The following DEFB115 variants were observed in gnomAD, a reference collection of about 807,000 sequenced individuals.
DEFB115 encodes beta-defensin 115.
DEFB115 carries 7 observed loss-of-function variants against 8.8 expected under a neutral mutation model. That is an observed-to-expected ratio of 0.79 (90% CI 0.45 to 1.49). The LOEUF is 1.49. DEFB115 is among the 40% of genes most tolerant of loss of function. The pLI, the probability that DEFB115 is intolerant of heterozygous loss-of-function variation, is 0.01. For missense variants in DEFB115, 143 were observed against 99.4 expected (o/e 1.44, Z -1.86); for synonymous variants, 62 against 37.6 (o/e 1.65, Z -2.37).
chr20:31,259,459 G>A lies in DEFB115; in HGVS notation c.95-1G>A, dbSNP rs1052371070. 2 of 1,588,694 alleles carry A rather than the reference G, an allele frequency of 1.3e-6. No individual in the cohort carries two copies. The highest frequency in any genetic ancestry group is 1.2e-5 in the South Asian group (1 of 85,576). On this transcript the variant is annotated splice_acceptor_variant, in intron 1 of 1. Coordinates refer to ENST00000400552, the MANE Select transcript of DEFB115 (RefSeq NM_001037730.1). LOFTEE classifies it high-confidence loss of function. ...ATTCATGTGTTTGCTTATTTTGATA[G>A]ATGGATGGATCAGAAGGTGCTATTA...
intron 1 of DEFB115, 93 bp downstream of exon 1, chr20:31,257,850 A>G (rs1983797152): frequency 8.9e-7 from 1 of 1,120,634 alleles, no homozygotes; most frequent in Admixed American, 1.9e-5. Context: ...AGAAGCAAGG[A>G]GAGCCCACAG....
chr20:31,259,114 T>A (rs1437598247), intron 1 of DEFB115, among the ~76,000 whole-genome samples: 1 of 152,082 alleles, frequency 6.6e-6, no homozygotes, highest in Non-Finnish European at 1.5e-5. Flanking sequence ...GTTAGATGAA[T>A]AATGAATGGA....
chr20:31,258,524 C>G lies in DEFB115; in HGVS notation c.94+767C>G, dbSNP rs185271015. On this transcript the variant is annotated intron_variant, in intron 1 of 1. Transcript: ENST00000400552. ...CAGCTATTCAAGCTGAAAGCCTTTGCCAATCACTCAGTTGTTCTAGAAGCA... is the reference window on the plus strand; with the variant it reads ...CAGCTATTCAAGCTGAAAGCCTTTGGCAATCACTCAGTTGTTCTAGAAGCA... 3.5e-4 allele frequency among the ~76,000 whole-genome samples: 54 copies of G among 152,276 alleles called. No individual in the cohort carries two copies. In the East Asian group the frequency reaches 9.1e-3, roughly 26 times the overall value.
intron 1 of DEFB115, 43 bp downstream of exon 1, chr20:31,257,800 G>A (rs193252871): frequency 6.5e-7 from 1 of 1,533,252 alleles, no homozygotes; most frequent in Non-Finnish European, 9.0e-7. Context: ...AGTAAGGATG[G>A]GGTCCTAACC....
intron 1 of DEFB115, among the ~76,000 whole-genome samples, chr20:31,258,476 G>A (rs937741419): frequency 1.3e-5 from 2 of 152,174 alleles, no homozygotes; most frequent in Non-Finnish European, 2.9e-5. Context: ...CGTTGCTGTT[G>A]GAAGTCACAT....
intron 1 of DEFB115, 39 bp from the exon 2 acceptor site, chr20:31,259,421 A>C: frequency 2.6e-6 from 4 of 1,509,472 alleles, no homozygotes; most frequent in Non-Finnish European, 3.5e-6. Context: ...TTATTTTTCA[A>C]ATGTATTTAT....
rs766921622 is a variant in DEFB115 at position 31,259,467 on chromosome 20, G to T, written c.102G>T (p.Trp34Cys). 13 of 1,605,474 alleles carry T rather than the reference G, an allele frequency of 8.1e-6. No individual in the cohort carries two copies. In the Admixed American group the frequency reaches 8.6e-5, roughly 11 times the overall value. Residue 34 changes from tryptophan to cysteine, a missense_variant, in exon 2 of 2, where the codon TGG becomes TGT. By Grantham distance (215) the Trp-to-Cys change is radical. Coordinates refer to ENST00000400552, the MANE Select transcript of DEFB115 (RefSeq NM_001037730.1). ...GTTTGCTTATTTTGATAGATGGATG[G>T]ATCAGAAGGTGCTATTATGGAACTG... ...VVLAQTAPDG[W>C]IRRCYYGTGR...
chr20:31,257,916 A>T (rs1983798493), intron 1 of DEFB115, among the ~76,000 whole-genome samples, 159 bp downstream of exon 1: 1 of 152,198 alleles, frequency 6.6e-6, no homozygotes, highest in Admixed American at 6.5e-5. Context: ...TAAGAAGGGC[A>T]GCCTGTCAGG....
chr20:31,257,709 T>A lies in DEFB115; in HGVS notation c.46T>A (p.Ser16Thr). 6.2e-7 allele frequency: 1 copy of A among 1,614,016 alleles called. No homozygotes were observed. The highest frequency in any genetic ancestry group is 8.5e-7 in the Non-Finnish European group (1 of 1,179,954). Residue 16 changes from serine (S) to threonine (T), a missense_variant, in exon 1 of 2, where the codon TCT (serine) becomes ACT (threonine). Transcript: ENST00000400552. Reference sequence around the variant, plus strand: ...ACCCCTCTCAGGAGACATTAAACTCTCTGTCCTGGCCTTAGTTGTCCTTGT... The same window carrying A: ...ACCCCTCTCAGGAGACATTAAACTCACTGTCCTGGCCTTAGTTGTCCTTGT... ...FSPLSGDIKL[S>T]VLALVVLVVL...
chr20:31,259,566 C>T lies in DEFB115; in HGVS notation c.201C>T (p.Val67=), dbSNP rs1983847643. 1 of 1,611,776 alleles carries T rather than the reference C, an allele frequency of 6.2e-7. No individual in the cohort carries two copies. Among genetic ancestry groups the T allele is most frequent in the Non-Finnish European group, 8.5e-7 (1 of 1,179,172 alleles). Reference sequence around the variant, plus strand: ...GTGGGGAAAAACATATTTGCTGTGTCCCTAAAGAAAAGGATAAACTATCAC... The same window carrying T: ...GTGGGGAAAAACATATTTGCTGTGTTCCTAAAGAAAAGGATAAACTATCAC... The part of the protein sequence containing the change: ...EKCGEKHICC[V]PKEKDKLSHI... The change falls in exon 2 of 2, where the codon GTC becomes GTT. Residue 67 remains valine (V), a synonymous_variant. Coordinates refer to ENST00000400552, the MANE Select transcript of DEFB115 (RefSeq NM_001037730.1).
intron 1 of DEFB115, among the ~76,000 whole-genome samples, chr20:31,259,063 C>T (rs1054730719): frequency 1.3e-5 from 2 of 152,062 alleles, no homozygotes; most frequent in Admixed American, 6.6e-5. Flanking sequence ...ACCCCTAGAA[C>T]AAACAATGCC....
intron 1 of DEFB115, among the ~76,000 whole-genome samples, chr20:31,258,550 A>G (rs1983815321): frequency 6.6e-6 from 1 of 152,212 alleles, no homozygotes; most frequent in African/African-American, 2.4e-5. Context: ...TCTAGAAGCA[A>G]AAGAAGGTTA....
At chr20:31,259,095 C>A (rs1012526557) in intron 1 of DEFB115, among the ~76,000 whole-genome samples, 1 of 151,986 alleles carries the variant, frequency 6.6e-6, no homozygotes, top group Non-Finnish European at 1.5e-5. Flanking sequence ...AGATGCTCAA[C>A]AAATTGTGGT....
At chr20:31,258,994 A>G (rs1983829737) in intron 1 of DEFB115, among the ~76,000 whole-genome samples, 1 of 152,100 alleles carries the variant, frequency 6.6e-6, no homozygotes, top group Non-Finnish European at 1.5e-5. Flanking sequence ...TGCAGCTCAG[A>G]AATGTAAATT....
intron 1 of DEFB115, among the ~76,000 whole-genome samples, chr20:31,258,497 A>G (rs1983813022): frequency 6.6e-6 from 1 of 152,158 alleles, no homozygotes; most frequent in African/African-American, 2.4e-5. Context: ...CCTCTCTTGG[A>G]GCAGCTATTC....
At chr20:31,259,179 G>T (rs1314783256) in intron 1 of DEFB115, among the ~76,000 whole-genome samples, 1 of 152,170 alleles carries the variant, frequency 6.6e-6, no homozygotes, top group Non-Finnish European at 1.5e-5. Context: ...CAAGCATCTA[G>T]ATTTAGAGAG....
chr20:31,258,989 C>T (rs942100534), intron 1 of DEFB115, among the ~76,000 whole-genome samples: 9 of 152,094 alleles, frequency 5.9e-5, no homozygotes, highest in Non-Finnish European at 1.3e-4. Flanking sequence ...CAGCCTGCAG[C>T]TCAGAAATGT....
chr20:31,258,747 G>A (rs1983821521), intron 1 of DEFB115, among the ~76,000 whole-genome samples: 1 of 152,126 alleles, frequency 6.6e-6, no homozygotes, highest in East Asian at 1.9e-4. Flanking sequence ...TCTGGTAAAA[G>A]ACAGAGAATT....
At chr20:31,258,567 G>T (rs1307459703) in intron 1 of DEFB115, among the ~76,000 whole-genome samples, 1 of 152,166 alleles carries the variant, frequency 6.6e-6, no homozygotes, top group Non-Finnish European at 1.5e-5. Flanking sequence ...GTTATTCTGG[G>T]CTAACCCTGA....
Sources: gnomAD v4.1 joint callset for allele counts (sites outside exome capture counted in the v4.1 genomes callset) on GRCh38, gnomAD v4.1.1 for gene constraint, MANE v1.5 for transcripts, NCBI Gene and HGNC (gene_info 2026-07-23, HGNC 2026-07-21) for gene names.